The following MED24 variants were observed in gnomAD, a reference collection of about 807,000 sequenced individuals.
The protein encoded by MED24 is mediator of RNA polymerase II transcription subunit 24.
Under a neutral mutation model 118.8 loss-of-function variants are expected in MED24, and 74 were observed. The ratio of observed to expected loss-of-function variants is 0.62; its 90% CI spans 0.52 to 0.76. The LOEUF is 0.76. Among genes scored for constraint, MED24 ranks in the 30% least tolerant of loss-of-function variants. The pLI is 0.00. For missense variants in MED24, 1,041 were observed against 1,278.9 expected (o/e 0.81, Z 2.84); for synonymous variants, 521 against 523.9 (o/e 0.99, Z 0.08).
chr17:40,026,619 G>C (rs1982681753), intron 18 of MED24, 28 bp downstream of exon 18: 1 of 1,575,046 alleles, frequency 6.3e-7, no homozygotes, highest in East Asian at 2.3e-5. Context: ...TCTCAGGGGA[G>C]CAAACGCTGC....
rs1598325605 is a variant in MED24 at position 40,019,280 on chromosome 17, C to T, written c.*249G>A. On this transcript the variant is annotated 3_prime_UTR_variant, in exon 26 of 26. Transcript: ENST00000394128. ...TGGGGCGGGCGCACACAGGGGTGAC[C>T]ACTGGGCTTGTGGTCCAGGCTGCTC... The T allele has an allele frequency of 1.9e-6, 1 of 532,258 alleles. No homozygotes were observed. Among genetic ancestry groups the T allele is most frequent in the South Asian group, 2.3e-5 (1 of 42,706 alleles). 33.0% of individuals were successfully genotyped at this position (532,258 alleles called of 1,614,324 possible).
intron 1 of MED24, 169 bp from the exon 2 acceptor site, chr17:40,053,804 C>G (rs8070452): frequency 0.21 from 180,061 of 862,162 alleles, 19,257 homozygotes; most frequent in South Asian, 0.25. Context: ...CAGACTCTCT[C>G]CTCCTGAACC....
At chr17:40,038,020 G>C (rs544873643) in intron 3 of MED24, among the ~76,000 whole-genome samples, 1 of 152,028 alleles carries the variant, frequency 6.6e-6, no homozygotes, top group African/African-American at 2.4e-5. Context: ...AGAACTTCTC[G>C]GAACCATGAT....
At chr17:40,019,954 G>A (rs372871095) in intron 24 of MED24, 21 bp from the exon 25 acceptor site, 2 of 1,556,684 alleles carry the variant, frequency 1.3e-6, no homozygotes, top group African/African-American at 2.7e-5. Flanking sequence ...TGGGGGGAGA[G>A]TGACAGGAGG....
rs1298326270 is a variant in MED24 at position 40,035,768 on chromosome 17, C to A, written c.280G>T (p.Val94Phe). ...KFDDFSRDLC[V>F]QALLDIMDMF... ...TCCATGATGTCCAGCAATGCCTGGACACACAGGTCCCGAGAAAAGTCATCA... is the reference window on the plus strand; with the variant it reads ...TCCATGATGTCCAGCAATGCCTGGAAACACAGGTCCCGAGAAAAGTCATCA... The change falls in exon 5 of 26, where the codon GTC becomes TTC. Residue 94 changes from valine to phenylalanine, a missense_variant. Physicochemically the swap from Val to Phe is conservative, Grantham distance 50. This residue lies in a region of MED24 where 434 missense variants were observed against 514.9 expected (regional missense o/e 0.84). Transcript: ENST00000394128. 6 of 1,614,106 alleles carry A rather than the reference C, an allele frequency of 3.7e-6. No individual in the cohort carries two copies. In the Admixed American group the frequency reaches 1.0e-4, roughly 27 times the overall value.
In MED24 at chr17:40,022,748, G is replaced by C; in HGVS notation, c.2329C>G (p.Gln777Glu). The C allele has an allele frequency of 6.2e-7, 1 of 1,613,956 alleles. No homozygotes were observed. Among genetic ancestry groups the C allele is most frequent in the Non-Finnish European group, 8.5e-7 (1 of 1,179,990 alleles). Residue 777 changes from glutamine (Q) to glutamate (E), a missense_variant, in exon 21 of 26, where the codon CAG (glutamine) becomes GAG (glutamate). This residue lies in a region of MED24 where 587 missense variants were observed against 694.4 expected (regional missense o/e 0.85). Coordinates refer to ENST00000394128, the MANE Select transcript of MED24 (RefSeq NM_014815.4). ...CCCAGCAGGACCAGGGTCACTTGCTGCATGTCCAGGCAGAAGATGGAGTAG... is the reference window on the plus strand; with the variant it reads ...CCCAGCAGGACCAGGGTCACTTGCTCCATGTCCAGGCAGAAGATGGAGTAG... ...LLYSIFCLDMQQVTLVLLGHI... is the reference protein window; with the variant it reads ...LLYSIFCLDMEQVTLVLLGHI...
intron 20 of MED24, 122 bp downstream of exon 20, chr17:40,023,009 G>T: frequency 7.1e-7 from 1 of 1,408,420 alleles, no homozygotes; most frequent in South Asian, 1.4e-5. Context: ...TCTGAGGCGA[G>T]GCATTCCGGG....
At chr17:40,034,663 T>G (rs1179670669) in intron 6 of MED24, among the ~76,000 whole-genome samples, 2 of 152,166 alleles carry the variant, frequency 1.3e-5, no homozygotes, top group African/African-American at 2.4e-5. Context: ...AAAGGGGCAT[T>G]TTAGGTAACA....
Position 40,035,286 on chromosome 17 carries a change from C to G in MED24, c.390G>C (p.Trp130Cys), listed in dbSNP as rs1302298631. 6.2e-7 allele frequency: 1 copy of G among 1,612,596 alleles called. No homozygotes were observed. The highest frequency in any genetic ancestry group is 8.5e-7 in the Non-Finnish European group (1 of 1,178,974). ...CAGAGGCTGCCGTGCAGCGCAGCAG[C>G]CAGTGGAGGGCGCTAAGAAGGGCTC... Reference protein sequence around the residue: ...LCRALLSALHWLLRCTAASAE... With the variant: ...LCRALLSALHCLLRCTAASAE... Residue 130 changes from tryptophan (W) to cysteine (C), a missense_variant, in exon 6 of 26, where the codon TGG (tryptophan) becomes TGC (cysteine). Trp to Cys is a radical substitution (Grantham distance 215). Coordinates refer to ENST00000394128, the MANE Select transcript of MED24 (RefSeq NM_014815.4).
At chr17:40,053,837 T>A in intron 1 of MED24, 1 of 687,846 alleles carries the variant, frequency 1.5e-6, no homozygotes, top group Non-Finnish European at 2.4e-6. Context: ...ACTGGGGCAC[T>A]AAGAAAGTAT....
At position 40,032,815 on chromosome 17, in the gene MED24, C is replaced by A. The variant is rs543232099; in HGVS notation, c.823-53G>T. The A allele has an allele frequency of 7.3e-6, 11 of 1,505,560 alleles. No individual in the cohort carries two copies. The East Asian group carries it at 1.1e-4, about 15-fold the overall frequency. The allele number at this position is 1,505,560 out of a possible 1,614,324, so 93.3% of individuals were successfully genotyped here. ...AAGAGGGTGCCCATACCCCGTCACC[C>A]TTCTGTGGACTCTGAGGATTTGGCT... On this transcript the variant is annotated intron_variant, in intron 8 of 25. Transcript: ENST00000394128.
At chr17:40,047,556 G>A (rs930785859) in intron 3 of MED24, among the ~76,000 whole-genome samples, 2 of 151,834 alleles carry the variant, frequency 1.3e-5, no homozygotes, top group East Asian at 1.9e-4. Flanking sequence ...CAGCTACTCC[G>A]GAGGCTGAGG....
In MED24 at chr17:40,022,804, T is replaced by C; in HGVS notation, c.2273A>G (p.Lys758Arg). Residue 758 changes from lysine to arginine, a missense_variant, in exon 21 of 26, where the codon AAG becomes AGG. This residue lies in a region of MED24 where 587 missense variants were observed against 694.4 expected (regional missense o/e 0.85). Transcript: ENST00000394128. The part of the protein sequence containing the change: ...LIKELLKETR[K>R]EHTLRAVELL... ...CTCCACTGCCCGCAGCGTGTGCTCCTTCCGCGTCTCCTTCAGCAGCTCCTA... is the reference window on the plus strand; with the variant it reads ...CTCCACTGCCCGCAGCGTGTGCTCCCTCCGCGTCTCCTTCAGCAGCTCCTA... The C allele has an allele frequency of 6.2e-7, 1 of 1,613,564 alleles. No homozygotes were observed. The highest frequency in any genetic ancestry group is 8.5e-7 in the Non-Finnish European group (1 of 1,179,956).
intron 16 of MED24, 159 bp from the exon 17 acceptor site, chr17:40,027,193 C>T (rs1205261465): frequency 5.4e-6 from 6 of 1,100,974 alleles, no homozygotes; most frequent in Non-Finnish European, 7.9e-6. Flanking sequence ...GGCAATGCTG[C>T]CACCTAGTGG....
intron 19 of MED24, among the ~76,000 whole-genome samples, chr17:40,025,083 G>A (rs577681093): frequency 7.9e-5 from 12 of 152,288 alleles, no homozygotes; most frequent in African/African-American, 2.9e-4. Context: ...TTCCTGTCAC[G>A]TGCTACTACA....
At chr17:40,052,231 T>G (rs1985932137) in intron 3 of MED24, among the ~76,000 whole-genome samples, 1 of 152,136 alleles carries the variant, frequency 6.6e-6, no homozygotes, top group Admixed American at 6.5e-5. Context: ...AAACGGAGGT[T>G]GCAGTGAGCC....
At chr17:40,053,401 C>T in intron 2 of MED24, 21 bp from the exon 3 acceptor site, 2 of 1,613,360 alleles carry the variant, frequency 1.2e-6, no homozygotes, top group Non-Finnish European at 1.7e-6. Context: ...AATAGCAAAA[C>T]ACAACTGAGT....
intron 5 of MED24, 95 bp from the exon 6 acceptor site, chr17:40,035,444 A>G: frequency 1.1e-5 from 14 of 1,301,954 alleles, no homozygotes; most frequent in Non-Finnish European, 1.5e-5. Flanking sequence ...CTCCCCTACT[A>G]GGGACTAGGG....
chr17:40,028,132 T>G (rs1982935188), intron 14 of MED24, 186 bp from the exon 15 acceptor site: 2 of 604,596 alleles, frequency 3.3e-6, no homozygotes, highest in Middle Eastern at 3.6e-4. Flanking sequence ...TTTGTTTTTT[T>G]TGAGAAAGAG....
Sources: allele counts gnomAD v4.1 joint callset (sites outside exome capture counted in the v4.1 genomes callset), GRCh38; gene constraint gnomAD v4.1.1; regional missense constraint gnomAD v4.1.1; transcripts MANE v1.5; gene names NCBI Gene and HGNC (gene_info 2026-07-23, HGNC 2026-07-21).